Variants in OSBPL1A observed in about 807,000 individuals in gnomAD.
OSBPL1A encodes the protein oxysterol binding protein like 1A, also known as oxysterol-binding protein-related protein 1.
In OSBPL1A, 80 loss-of-function variants were observed where a neutral mutation model predicts 137.1. The observed-to-expected ratio is 0.58, with a 90% CI of 0.49 to 0.70. The LOEUF is 0.70. Ranked by LOEUF, OSBPL1A falls within the 30% of genes least tolerant of loss-of-function variation. OSBPL1A has a pLI of 0.00. For synonymous variants in OSBPL1A, 365 were observed against 389.7 expected, an observed-to-expected ratio of 0.94 and a Z score of 0.75; for missense variants, 970 against 1,129.4, an observed-to-expected ratio of 0.86 and a Z score of 2.02.
At chr18:24,246,883 T>G (rs992489356) in intron 15 of OSBPL1A, among the ~76,000 whole-genome samples, 22 of 150,596 alleles carry the variant, frequency 1.5e-4, no homozygotes, top group Non-Finnish European at 3.1e-4. Context: ...TGATGAGAAG[T>G]GGTCAGATTC....
At position 24,166,663 on chromosome 18, in the gene OSBPL1A, C is replaced by T; in HGVS notation, c.2575G>A (p.Val859Ile). 3 of 1,612,912 alleles carry T rather than the reference C, an allele frequency of 1.9e-6. No homozygotes were observed. Among genetic ancestry groups the T allele is most frequent in the Non-Finnish European group, 2.5e-6 (3 of 1,179,604 alleles). The change falls in exon 26 of 28, where the codon GTA (valine) becomes ATA (isoleucine). Residue 859 changes from valine to isoleucine, a missense_variant. Val to Ile is a conservative substitution (Grantham distance 29, BLOSUM62 3). This residue lies in a region of OSBPL1A where 323 missense variants were observed against 456.8 expected (regional missense o/e 0.71). Coordinates refer to ENST00000319481, the MANE Select transcript of OSBPL1A (RefSeq NM_080597.4). ...FTSFAMVLNE[V>I]DKDMESVIPK... ...ATCACACTCTCCATGTCTTTGTCTA[C>T]TTCATTCAAAACCATTGCAAAACTA...
intron 12 of OSBPL1A, among the ~76,000 whole-genome samples, chr18:24,313,021 G>T (rs1466823483): frequency 6.6e-6 from 1 of 151,962 alleles, no homozygotes; most frequent in African/African-American, 2.4e-5. Flanking sequence ...CTACTCGGGA[G>T]GCTGAGGCAG....
At chr18:24,341,463 CCT>C (rs2091271615) in intron 5 of OSBPL1A, 82 bp downstream of exon 5, 2 of 937,854 alleles carry the variant, frequency 2.1e-6, no homozygotes, top group African/African-American at 1.7e-5. Context: ...TCTGTTTTGT[CCT>C]CTTTCTCAGA....
chr18:24,284,691 T>C (rs2090035573), intron 14 of OSBPL1A, among the ~76,000 whole-genome samples: 1 of 152,184 alleles, frequency 6.6e-6, no homozygotes, highest in South Asian at 2.1e-4. Flanking sequence ...ACTAAATTTG[T>C]TTCAGCCAGA....
intron 18 of OSBPL1A, among the ~76,000 whole-genome samples, chr18:24,185,050 C>T (rs1260909292): frequency 6.6e-6 from 1 of 152,086 alleles, no homozygotes; most frequent in Non-Finnish European, 1.5e-5. Context: ...AACTTAGATG[C>T]CTATTACTAA....
At chr18:24,299,566 A>G (rs1222977165) in intron 14 of OSBPL1A, among the ~76,000 whole-genome samples, 1 of 152,178 alleles carries the variant, frequency 6.6e-6, no homozygotes, top group Non-Finnish European at 1.5e-5. Context: ...TATTCTGTCT[A>G]AGGAGGTTAA....
intron 15 of OSBPL1A, among the ~76,000 whole-genome samples, chr18:24,274,748 A>G (rs2089806893): frequency 6.6e-6 from 1 of 152,028 alleles, no homozygotes; most frequent in South Asian, 2.1e-4. Flanking sequence ...TCTCTACTAA[A>G]ATACAAAAAA....
At chr18:24,289,337 T>G (rs1042465441) in intron 14 of OSBPL1A, among the ~76,000 whole-genome samples, 1 of 152,094 alleles carries the variant, frequency 6.6e-6, no homozygotes, top group African/African-American at 2.4e-5. Context: ...CTTCTCCTGT[T>G]CCTCCTATTC....
intron 18 of OSBPL1A, among the ~76,000 whole-genome samples, chr18:24,186,882 CG>C (rs1203349769): frequency 7.6e-6 from 1 of 130,968 alleles, no homozygotes; most frequent in African/African-American, 3.2e-5. Flanking sequence ...CCAGCCTGGG[CG>C]ACAGAACAAG....
At chr18:24,235,512 A>T (rs1383891258) in intron 16 of OSBPL1A, among the ~76,000 whole-genome samples, 1 of 152,126 alleles carries the variant, frequency 6.6e-6, no homozygotes, top group African/African-American at 2.4e-5. Context: ...TGAATTCAAG[A>T]TATGATTTGA....
chr18:24,295,858 CTT>C (rs35806995), intron 14 of OSBPL1A, among the ~76,000 whole-genome samples: 3 of 145,342 alleles, frequency 2.1e-5, no homozygotes, highest in African/African-American at 2.5e-5. Flanking sequence ...GTCTAAGAGC[CTT>C]TTTTTTTTTC....
Position 24,375,845 on chromosome 18 carries a change from G to T in OSBPL1A, c.121+1568C>A, listed in dbSNP as rs559985349. ...TCAAGAAGAAAAAAAAATTATCATAGTGTATCTGGAATTGGTGGGTTCTTG... is the reference window on the plus strand; with the variant it reads ...TCAAGAAGAAAAAAAAATTATCATATTGTATCTGGAATTGGTGGGTTCTTG... On this transcript the variant is annotated intron_variant, in intron 2 of 27. Transcript: ENST00000319481. Among the ~76,000 whole-genome samples, 14 of 152,254 alleles carry T rather than the reference G, an allele frequency of 9.2e-5. No homozygotes were observed. In the South Asian group the frequency reaches 2.5e-3, roughly 27 times the overall value.
chr18:24,248,136 C>G (rs900329869), intron 15 of OSBPL1A, among the ~76,000 whole-genome samples: 2 of 152,174 alleles, frequency 1.3e-5, no homozygotes, highest in Non-Finnish European at 2.9e-5. Flanking sequence ...TGCACAGATT[C>G]AGATAGATGA....
intron 15 of OSBPL1A, among the ~76,000 whole-genome samples, chr18:24,252,678 A>C (rs1216735373): frequency 6.6e-6 from 1 of 152,206 alleles, no homozygotes; most frequent in Non-Finnish European, 1.5e-5. Context: ...AAAACACGGA[A>C]TATCAAAACA....
chr18:24,200,748 TAA>T (rs2087196478), intron 17 of OSBPL1A, among the ~76,000 whole-genome samples: 1 of 151,958 alleles, frequency 6.6e-6, no homozygotes, highest in African/African-American at 2.4e-5. Context: ...TTTATGACTC[TAA>T]AGTCAAGAAC....
chr18:24,300,329 G>A (rs1236846990), intron 14 of OSBPL1A, among the ~76,000 whole-genome samples: 1 of 152,240 alleles, frequency 6.6e-6, no homozygotes, highest in Non-Finnish European at 1.5e-5. Flanking sequence ...AAATTAGGCT[G>A]TGGCCAGACT....
At chr18:24,392,418 C>T (rs1224298632) in intron 1 of OSBPL1A, among the ~76,000 whole-genome samples, 1 of 152,170 alleles carries the variant, frequency 6.6e-6, no homozygotes, top group Non-Finnish European at 1.5e-5. Flanking sequence ...CTCGGCCTCC[C>T]ATAGTGCTGA....
At chr18:24,216,062 T>C (rs1358578246) in intron 17 of OSBPL1A, among the ~76,000 whole-genome samples, 3 of 152,074 alleles carry the variant, frequency 2.0e-5, no homozygotes, top group Non-Finnish European at 4.4e-5. Flanking sequence ...AAGGAGAAAA[T>C]AACGAGACCT....
chr18:24,215,869 G>A (rs778441918), intron 17 of OSBPL1A, among the ~76,000 whole-genome samples: 1 of 152,192 alleles, frequency 6.6e-6, no homozygotes, highest in Non-Finnish European at 1.5e-5. Flanking sequence ...GGGAATGGGA[G>A]GGTTGGGGGA....
Sources: allele counts gnomAD v4.1 joint callset (sites outside exome capture counted in the v4.1 genomes callset), GRCh38; gene constraint gnomAD v4.1.1; regional missense constraint gnomAD v4.1.1; transcripts MANE v1.5; gene names NCBI Gene and HGNC (gene_info 2026-07-23, HGNC 2026-07-21).